Variants in USP48 observed in about 807,000 individuals in gnomAD.
USP48 encodes ubiquitin specific peptidase 48.
In USP48, 43 loss-of-function variants were observed where a neutral mutation model predicts 150.7. That is an observed-to-expected ratio of 0.29 (90% CI 0.22 to 0.37). The LOEUF is 0.37. Ranked by LOEUF, USP48 falls within the 10% of genes least tolerant of loss-of-function variation. The pLI, the probability that USP48 is intolerant of heterozygous loss-of-function variation, is 1.00. For synonymous variants in USP48, 396 were observed against 425.9 expected, an observed-to-expected ratio of 0.93 and a Z score of 0.86; for missense variants, 813 against 1,249.6, an observed-to-expected ratio of 0.65 and a Z score of 5.27.
At position 21,765,554 on chromosome 1, in the gene USP48, T is replaced by C. The variant is rs549896249; in HGVS notation, c.135-7771A>G. On this transcript the variant is annotated intron_variant, in intron 1 of 26. Transcript: ENST00000308271. ...CTCGCTTGAACCCGGGAGGCGGAGG[T>C]TGCAGTGAGCCGAGATCACGCCACT... is the stretch of plus-strand genomic sequence containing the variant. Among the ~76,000 whole-genome samples, 11 of 150,456 alleles carry C rather than the reference T, an allele frequency of 7.3e-5. No individual in the cohort carries two copies. In the East Asian group the frequency reaches 1.9e-3, roughly 27 times the overall value.
chr1:21,773,184 A>G (rs1476604458), intron 1 of USP48, among the ~76,000 whole-genome samples: 4 of 142,184 alleles, frequency 2.8e-5, no homozygotes, highest in African/African-American at 7.9e-5. Context: ...GAACCCAGGA[A>G]GCAGAGGTTG....
At chr1:21,754,725 T>C in intron 3 of USP48, among the ~76,000 whole-genome samples, 1 of 152,172 alleles carries the variant, frequency 6.6e-6, no homozygotes, top group East Asian at 1.9e-4. Flanking sequence ...CCTCTTCTGA[T>C]AGCTTCACAG....
chr1:21,729,118 A>G (rs1191146848), intron 10 of USP48, among the ~76,000 whole-genome samples: 2 of 152,066 alleles, frequency 1.3e-5, no homozygotes, highest in Non-Finnish European at 2.9e-5. Flanking sequence ...CCCCATCTCT[A>G]CTAAAAATAC....
intron 1 of USP48, among the ~76,000 whole-genome samples, chr1:21,766,801 C>G (rs2097863296): frequency 6.6e-6 from 1 of 152,070 alleles, no homozygotes; most frequent in African/African-American, 2.4e-5. Context: ...TCCTGAGACT[C>G]ATGCCTGTAA....
At chr1:21,762,751 G>A (rs1482423131) in intron 1 of USP48, among the ~76,000 whole-genome samples, 1 of 151,554 alleles carries the variant, frequency 6.6e-6, no homozygotes, top group Admixed American at 6.6e-5. Flanking sequence ...CTGTAATCCT[G>A]GCTACTCAGG....
intron 15 of USP48, among the ~76,000 whole-genome samples, chr1:21,713,863 C>T (rs781492229): frequency 6.6e-5 from 10 of 152,234 alleles, no homozygotes; most frequent in Non-Finnish European, 1.2e-4. Context: ...TAGGGTGATA[C>T]GATGGAAAGA....
chr1:21,753,639 C>T lies in USP48; in HGVS notation c.413-520G>A, dbSNP rs2097823055. Among the ~76,000 whole-genome samples the T allele has an allele frequency of 1.3e-5, 2 of 151,534 alleles. 1 individual carries two copies. The highest frequency in any genetic ancestry group is 4.2e-4 in the South Asian group (2 of 4,792). On this transcript the variant is annotated intron_variant, in intron 3 of 26. Coordinates refer to ENST00000308271, the MANE Select transcript of USP48 (RefSeq NM_032236.8). ...GTCAGGAGTTCAAGACCAGCCTGGCCAACATGGTAAAACCCTGTCTCTACT... is the reference window on the plus strand; with the variant it reads ...GTCAGGAGTTCAAGACCAGCCTGGCTAACATGGTAAAACCCTGTCTCTACT...
chr1:21,768,807 G>T (rs2097870289), intron 1 of USP48, among the ~76,000 whole-genome samples: 1 of 151,930 alleles, frequency 6.6e-6, no homozygotes, highest in South Asian at 2.1e-4. Flanking sequence ...TTTGGTTTTG[G>T]TTTGTGTTTT....
At position 21,730,015 on chromosome 1, in the gene USP48, A is replaced by G. The variant is rs551875825; in HGVS notation, c.1172-183T>C. Among the ~76,000 whole-genome samples the G allele has an allele frequency of 2.0e-5, 3 of 152,362 alleles. No individual in the cohort carries two copies. The South Asian group carries it at 6.2e-4, about 32-fold the overall frequency. On this transcript the variant is annotated intron_variant, in intron 9 of 26. Coordinates refer to ENST00000308271, the MANE Select transcript of USP48 (RefSeq NM_032236.8). ...GCTTTAATATTTAAAAAAGTTTACT[A>G]CCACTATTGCCTGCCACATTCTATT...
intron 10 of USP48, among the ~76,000 whole-genome samples, chr1:21,729,027 G>C (rs1299038998): frequency 6.6e-6 from 1 of 152,158 alleles, no homozygotes; most frequent in Non-Finnish European, 1.5e-5. Flanking sequence ...GCTCATACCT[G>C]TAATCCCAGC....
intron 8 of USP48, among the ~76,000 whole-genome samples, chr1:21,746,292 G>T (rs375708529): frequency 1.3e-5 from 2 of 152,160 alleles, no homozygotes; most frequent in East Asian, 3.9e-4. Context: ...TTGAGGCCAG[G>T]AGTTTGAGAC....
intron 18 of USP48, 71 bp downstream of exon 18, chr1:21,706,055 G>A (rs1280031434): frequency 8.0e-6 from 12 of 1,497,930 alleles, no homozygotes; most frequent in Admixed American, 1.7e-5. Flanking sequence ...CAGAATCCAC[G>A]ATATCTTAAA....
At chr1:21,763,641 T>A (rs971334377) in intron 1 of USP48, among the ~76,000 whole-genome samples, 2 of 152,052 alleles carry the variant, frequency 1.3e-5, no homozygotes, top group Non-Finnish European at 2.9e-5. Flanking sequence ...TAGAGAAACC[T>A]CGTCTCTACT....
In USP48 at chr1:21,690,083, G is replaced by A; in HGVS notation, c.2900C>T (p.Ser967Leu). 1 of 1,613,126 alleles carries A rather than the reference G, an allele frequency of 6.2e-7. No individual in the cohort carries two copies. The highest frequency in any genetic ancestry group is 8.5e-7 in the Non-Finnish European group (1 of 1,179,770). Reference sequence around the variant, plus strand: ...CAAATTCTGGTCAAAAGGAGCAACTGAAAATGCATGCATGATCTGTGCCAA... The same window carrying A: ...CAAATTCTGGTCAAAAGGAGCAACTAAAAATGCATGCATGATCTGTGCCAA... ...ELKIQIMHAF[S>L]VAPFDQNLSI... The change falls in exon 24 of 27, where the codon TCA (serine) becomes TTA (leucine). Residue 967 changes from serine to leucine, a missense_variant. Ser to Leu is a moderately radical substitution (Grantham distance 145). Coordinates refer to ENST00000308271, the MANE Select transcript of USP48 (RefSeq NM_032236.8).
chr1:21,692,693 G>C (rs555088975), intron 23 of USP48, among the ~76,000 whole-genome samples: 1 of 152,276 alleles, frequency 6.6e-6, no homozygotes, highest in East Asian at 1.9e-4. Context: ...GCCCTAGAGG[G>C]GTTTCCAGGA....
Position 21,679,045 on chromosome 1 carries a change from C to G in USP48, c.*372G>C. 1 of 341,108 alleles carries G rather than the reference C, an allele frequency of 2.9e-6. No individual in the cohort carries two copies. The highest frequency in any genetic ancestry group is 5.5e-6 in the Non-Finnish European group (1 of 182,470). The allele number at this position is 341,108 out of a possible 1,614,324, so 21.1% of individuals were successfully genotyped here. A position where few individuals can be genotyped will look rare whatever the true frequency, so the allele number is the denominator to read the frequency against. On this transcript the variant is annotated 3_prime_UTR_variant, in exon 27 of 27. Transcript: ENST00000308271. ...CTTGATACAATCCTTTATGGACCAA[C>G]GCATCTGGTATGAAACTCGAGCAAG...
Position 21,738,357 on chromosome 1 carries a change from CT to C in USP48, c.992-1733del, listed in dbSNP as rs1269797546. Among the ~76,000 whole-genome samples, 501 of 91,394 alleles carry C rather than the reference CT, an allele frequency of 5.5e-3. 1 individual carries two copies. The highest frequency in any genetic ancestry group is 0.011 in the African/African-American group (257 of 24,192). 60.0% of individuals were successfully genotyped at this position (91,394 alleles called of 152,430 possible). ...ACAGGCATAAGCCACCACGCCTGGC[CT>C]TTTTTTTTTTTTTTGAGATGGAGTT... is the stretch of plus-strand genomic sequence containing the variant. On this transcript the variant is annotated intron_variant, in intron 8 of 26. Coordinates refer to ENST00000308271, the MANE Select transcript of USP48 (RefSeq NM_032236.8).
chr1:21,780,382 A>AG (rs1331802647), intron 1 of USP48, among the ~76,000 whole-genome samples: 7 of 151,894 alleles, frequency 4.6e-5, no homozygotes, highest in African/African-American at 1.7e-4. Context: ...AGCAGTTGCC[A>AG]GGGGCTGGGC....
At chr1:21,679,491 T>G in intron 26 of USP48, 52 bp from the exon 27 acceptor site, 1 of 1,605,542 alleles carries the variant, frequency 6.2e-7, no homozygotes. Context: ...AGATTAAAAG[T>G]TCATGGATTC....
Sources: gnomAD v4.1 joint callset for allele counts (sites outside exome capture counted in the v4.1 genomes callset) on GRCh38, gnomAD v4.1.1 for gene constraint, MANE v1.5 for transcripts, NCBI Gene and HGNC (gene_info 2026-07-23, HGNC 2026-07-21) for gene names.